Variants in GTF2A1L observed in about 807,000 individuals in gnomAD.
GTF2A1L encodes the protein TFIIA-alpha and beta-like factor.
In GTF2A1L, 48 loss-of-function variants were observed where a neutral mutation model predicts 49.7. The ratio of observed to expected loss-of-function variants is 0.97; its 90% CI spans 0.77 to 1.23. The LOEUF (loss-of-function observed/expected upper bound fraction) is 1.23. GTF2A1L is among the 50% of genes most tolerant of loss of function. The pLI is 0.00. For missense variants in GTF2A1L, 736 were observed against 564.8 expected (o/e 1.30, Z -3.07); for synonymous variants, 246 against 193.5 (o/e 1.27, Z -2.25).
At chr2:48,671,117 C>T (rs1005514785) in intron 7 of GTF2A1L, among the ~76,000 whole-genome samples, 1 of 151,878 alleles carries the variant, frequency 6.6e-6, no homozygotes, top group East Asian at 1.9e-4. Flanking sequence ...CCACTGCACC[C>T]GGCTCAAACA....
At position 48,637,024 on chromosome 2, in the gene GTF2A1L, T is replaced by C. The variant is rs371514011; in HGVS notation, c.248-5378T>C. Among the ~76,000 whole-genome samples the C allele has an allele frequency of 2.0e-5, 3 of 152,190 alleles. No individual in the cohort carries two copies. The South Asian group carries it at 6.2e-4, about 31-fold the overall frequency. On this transcript the variant is annotated intron_variant, in intron 3 of 8. Coordinates refer to ENST00000403751, the MANE Select transcript of GTF2A1L (RefSeq NM_006872.5). ...AGCATTAAAACTCCTAAAGTATAGG[T>C]GTAAACTGTATGTCCGATTGTTCTT...
intron 8 of GTF2A1L, among the ~76,000 whole-genome samples, chr2:48,676,557 G>A (rs1488202910): frequency 6.6e-6 from 1 of 151,620 alleles, no homozygotes; most frequent in African/African-American, 2.4e-5. Context: ...TAAAAAATTG[G>A]ATTATTTGGT....
At chr2:48,637,608 A>C (rs1453490357) in intron 3 of GTF2A1L, among the ~76,000 whole-genome samples, 1 of 152,194 alleles carries the variant, frequency 6.6e-6, no homozygotes, top group African/African-American at 2.4e-5. Context: ...AGCAGAAGAC[A>C]AGAAATGAAC....
intron 6 of GTF2A1L, among the ~76,000 whole-genome samples, chr2:48,658,990 T>G (rs1351747703): frequency 2.0e-5 from 3 of 152,180 alleles, no homozygotes; most frequent in Non-Finnish European, 4.4e-5. Flanking sequence ...GGAATTTCTT[T>G]CCTTTAAGAT....
intron 3 of GTF2A1L, among the ~76,000 whole-genome samples, chr2:48,623,334 G>T (rs1676118690): frequency 6.6e-6 from 1 of 152,116 alleles, no homozygotes; most frequent in South Asian, 2.1e-4. Flanking sequence ...GCCTTTGTCT[G>T]TACCATCTTA....
chr2:48,674,456 T>C (rs538836550), intron 8 of GTF2A1L, among the ~76,000 whole-genome samples: 1 of 152,194 alleles, frequency 6.6e-6, no homozygotes, highest in Non-Finnish European at 1.5e-5. Context: ...AAGAAATCTT[T>C]TTCTCTGAAA....
chr2:48,654,962 A>G (rs1267045285), intron 6 of GTF2A1L, among the ~76,000 whole-genome samples: 1 of 152,120 alleles, frequency 6.6e-6, no homozygotes, highest in African/African-American at 2.4e-5. Context: ...TTTTTTCCAA[A>G]TTGTTTGGGC....
At chr2:48,678,446 T>C (rs1442546158) in intron 8 of GTF2A1L, among the ~76,000 whole-genome samples, 1 of 152,058 alleles carries the variant, frequency 6.6e-6, no homozygotes, top group African/African-American at 2.4e-5. Context: ...ACAAAATGCA[T>C]CTGAATACCA....
In GTF2A1L at chr2:48,640,208, G is replaced by C. The variant is rs958127854; in HGVS notation, c.248-2194G>C. ...AATCTCATTACTGGATATTCTCAGA[G>C]GAATATAAAGCATTCTACCATAAAG... On this transcript the variant is annotated intron_variant, in intron 3 of 8. Transcript: ENST00000403751. 2.0e-5 allele frequency among the ~76,000 whole-genome samples: 3 copies of C among 152,166 alleles called. No homozygotes were observed. In the East Asian group the frequency reaches 5.8e-4, roughly 29 times the overall value.
At chr2:48,662,017 C>T (rs552670873) in intron 6 of GTF2A1L, among the ~76,000 whole-genome samples, 4 of 152,024 alleles carry the variant, frequency 2.6e-5, no homozygotes, top group Non-Finnish European at 5.9e-5. Context: ...TTTTTGGTTT[C>T]CCTTCTCATT....
At position 48,669,987 on chromosome 2, in the gene GTF2A1L, G is replaced by A. The variant is rs993362589; in HGVS notation, c.1239+5G>A. On this transcript the variant is annotated splice_donor_5th_base_variant and intron_variant, in intron 7 of 8. Transcript: ENST00000403751. ...CAAGTAAACATTGTAGAAGAGGTGA[G>A]GATGACTTTTGAGCTGAGACTTCCT... 3.7e-6 allele frequency: 6 copies of A among 1,601,266 alleles called. No individual in the cohort carries two copies. The South Asian group carries it at 6.8e-5, about 18-fold the overall frequency.
intron 1 of GTF2A1L, among the ~76,000 whole-genome samples, chr2:48,618,887 CTG>C (rs1319919672): frequency 2.0e-5 from 3 of 152,132 alleles, no homozygotes; most frequent in Admixed American, 2.0e-4. Flanking sequence ...TTCTGAAAAA[CTG>C]TGTTCTAATG....
Position 48,646,863 on chromosome 2 carries a change from T to A in GTF2A1L, c.799T>A (p.Ser267Thr), listed in dbSNP as rs1677542812. The change falls in exon 6 of 9, where the codon TCA (serine) becomes ACA (threonine). Residue 267 changes from serine to threonine, a missense_variant. By Grantham distance (58) the Ser-to-Thr change is moderately conservative. Coordinates refer to ENST00000403751, the MANE Select transcript of GTF2A1L (RefSeq NM_006872.5). Reference sequence around the variant, plus strand: ...TAATGTGGAGTCAGTGCTCAGTGGTTCAGCTAGCATGGCTCAAAATCTGCA... The same window carrying A: ...TAATGTGGAGTCAGTGCTCAGTGGTACAGCTAGCATGGCTCAAAATCTGCA... ...NSNVESVLSG[S>T]ASMAQNLHDE... is the part of the protein sequence containing the mutation. 6.2e-7 allele frequency: 1 copy of A among 1,614,076 alleles called. No individual in the cohort carries two copies. The highest frequency in any genetic ancestry group is 1.7e-5 in the Admixed American group (1 of 60,012).
intron 6 of GTF2A1L, among the ~76,000 whole-genome samples, chr2:48,666,425 G>A (rs1318778600): frequency 1.3e-5 from 2 of 152,090 alleles, no homozygotes; most frequent in Admixed American, 1.3e-4. Flanking sequence ...TGACCAGACT[G>A]GTCTTGAACT....
chr2:48,674,904 C>A (rs1268844955), intron 8 of GTF2A1L, among the ~76,000 whole-genome samples: 1 of 151,824 alleles, frequency 6.6e-6, no homozygotes, highest in Non-Finnish European at 1.5e-5. Flanking sequence ...ATTTTAAGAA[C>A]AGTGGTAAAA....
At chr2:48,665,286 C>CTT (rs34095285) in intron 6 of GTF2A1L, among the ~76,000 whole-genome samples, 90 of 130,064 alleles carry the variant, frequency 6.9e-4, no homozygotes, top group Admixed American at 3.6e-3. Flanking sequence ...TTCTCTCTCT[C>CTT]TTTTTTTTTT....
intron 8 of GTF2A1L, among the ~76,000 whole-genome samples, chr2:48,672,612 G>A (rs1455380204): frequency 6.6e-6 from 1 of 152,082 alleles, no homozygotes; most frequent in Non-Finnish European, 1.5e-5. Flanking sequence ...TTAGTTGAAG[G>A]TGTCTCTCAG....
At chr2:48,635,715 G>A (rs1001722678) in intron 3 of GTF2A1L, among the ~76,000 whole-genome samples, 3 of 152,090 alleles carry the variant, frequency 2.0e-5, no homozygotes, top group South Asian at 2.1e-4. Flanking sequence ...AGGTGCTTCA[G>A]TCTGTGGCGC....
At chr2:48,638,441 T>G (rs1372926121) in intron 3 of GTF2A1L, among the ~76,000 whole-genome samples, 1 of 152,202 alleles carries the variant, frequency 6.6e-6, no homozygotes. Flanking sequence ...TCAATAAATG[T>G]GATTCATCAC....
Sources: gnomAD v4.1 joint callset for allele counts (sites outside exome capture counted in the v4.1 genomes callset) on GRCh38, gnomAD v4.1.1 for gene constraint, MANE v1.5 for transcripts, NCBI Gene and HGNC (gene_info 2026-07-23, HGNC 2026-07-21) for gene names.